NOSIP: variants seen among roughly 807,000 people sequenced by gnomAD.
NOSIP encodes the protein nitric oxide synthase interacting protein.
A neutral mutation model predicts 36.4 loss-of-function variants in NOSIP; 25 were observed. The observed-to-expected ratio is 0.69, with a 90% CI of 0.50 to 0.96. NOSIP has a LOEUF of 0.96. NOSIP is among the 40% of genes least tolerant of loss of function. NOSIP has a pLI of 0.00. For missense variants in NOSIP, 370 were observed against 429.0 expected (o/e 0.86, Z 1.21); for synonymous variants, 187 against 179.2 (o/e 1.04, Z -0.35).
At chr19:49,573,440 G>C (rs528552573) in intron 1 of NOSIP, among the ~76,000 whole-genome samples, 1 of 152,282 alleles carries the variant, frequency 6.6e-6, no homozygotes, top group East Asian at 1.9e-4. Flanking sequence ...TTCGGCTCCA[G>C]AGTAGGGGCC....
At position 49,568,798 on chromosome 19, in the gene NOSIP, G is replaced by GTTTTTT. The variant is rs750047416; in HGVS notation, c.-1-8107_-1-8106insAAAAAA. Among the ~76,000 whole-genome samples, 23 of 106,882 alleles carry GTTTTTT rather than the reference G, an allele frequency of 2.2e-4. 1 individual carries two copies. The highest frequency in any genetic ancestry group is 3.5e-4 in the African/African-American group (5 of 14,202). The allele number at this position is 106,882 out of a possible 152,430, so 70.1% of individuals were successfully genotyped here. Reference sequence around the variant, plus strand: ...CATCTCTAAAAAAAAAAAAAAAATAGTTTGTTTGTTTGTTTTTTTTTTTGA... The same window carrying GTTTTTT: ...CATCTCTAAAAAAAAAAAAAAAATAGTTTTTTTTTGTTTGTTTGTTTTTTTTTTTGA... On this transcript the variant is annotated intron_variant, in intron 1 of 8. Transcript: ENST00000596358.
At position 49,556,734 on chromosome 19, in the gene NOSIP, G is replaced by C. The variant is rs2080253932; in HGVS notation, c.540C>G (p.Ser180=). ...EAKATKLEKP[S]RTVTCPMSGK... is the part of the protein sequence containing the mutation. The stretch of plus-strand genomic sequence containing the variant: ...CTGACATGGGGCAGGTCACCGTGCG[G>C]GACTGCAAGGGGCAGAGAGAGGCGG... Residue 180 remains serine, a splice_region_variant and synonymous_variant, in exon 7 of 9, where the codon TCC becomes TCG. Coordinates refer to ENST00000596358, the MANE Select transcript of NOSIP (RefSeq NM_001270960.2). 1 of 1,605,594 alleles carries C rather than the reference G, an allele frequency of 6.2e-7. No homozygotes were observed. Among genetic ancestry groups the C allele is most frequent in the East Asian group, 2.2e-5 (1 of 44,560 alleles).
intron 1 of NOSIP, among the ~76,000 whole-genome samples, chr19:49,564,219 G>A (rs1420032332): frequency 1.3e-5 from 2 of 152,080 alleles, no homozygotes; most frequent in Non-Finnish European, 2.9e-5. Flanking sequence ...TTTGGAGGCT[G>A]AAGCGGGCAG....
intron 1 of NOSIP, among the ~76,000 whole-genome samples, chr19:49,577,268 A>G (rs1458024456): frequency 6.6e-6 from 1 of 152,122 alleles, no homozygotes; most frequent in Non-Finnish European, 1.5e-5. Context: ...AAAAACATAC[A>G]TCCATGCAGG....
chr19:49,564,600 C>T (rs2080381948), intron 1 of NOSIP, among the ~76,000 whole-genome samples: 1 of 151,950 alleles, frequency 6.6e-6, no homozygotes, highest in Admixed American at 6.6e-5. Context: ...GAGTGCAGAC[C>T]AGCACAACCA....
At position 49,557,211 on chromosome 19, in the gene NOSIP, C is replaced by A. The variant is rs762403392; in HGVS notation, c.297G>T (p.Gln99His). Residue 99 changes from glutamine (Q) to histidine (H), a missense_variant, in exon 5 of 9, where the codon CAG (glutamine) becomes CAT (histidine). By Grantham distance (24) the Gln-to-His change is conservative. Around this residue, in one of 3 missense-constraint regions of NOSIP, gnomAD observed 315 missense variants for 331.9 expected, o/e 0.95. Transcript: ENST00000596358. ...GCGAGGCCGCCCGCTGAAGCTCCTT[C>A]TGCTCCTCGCGCCGGGTGCCCCGCT... ...EKQRGTRREE[Q>H]KELQRAASQD... 6.2e-7 allele frequency: 1 copy of A among 1,600,764 alleles called. No homozygotes were observed. Among genetic ancestry groups the A allele is most frequent in the Non-Finnish European group, 8.5e-7 (1 of 1,174,412 alleles).
At chr19:49,568,969 A>C (rs989465336) in intron 1 of NOSIP, among the ~76,000 whole-genome samples, 3 of 150,434 alleles carry the variant, frequency 2.0e-5, no homozygotes, top group Non-Finnish European at 4.4e-5. Context: ...CGCCTGGCTA[A>C]TTTTTGTATT....
intron 3 of NOSIP, chr19:49,559,726 A>C (rs1415532858): frequency 1.7e-6 from 1 of 586,012 alleles, no homozygotes; most frequent in Admixed American, 2.7e-5. Flanking sequence ...ACCCCATTAG[A>C]AGTATGTTCC....
Position 49,560,424 on chromosome 19 carries a change from CG to C in NOSIP, c.70+197del. 1.7e-6 allele frequency: 1 copy of C among 603,442 alleles called. No individual in the cohort carries two copies. The highest frequency in any genetic ancestry group is 1.9e-5 in the South Asian group (1 of 51,602). 37.4% of individuals were successfully genotyped at this position (603,442 alleles called of 1,614,324 possible). A position where few individuals can be genotyped will look rare whatever the true frequency, so the allele number is the denominator to read the frequency against. On this transcript the variant is annotated intron_variant, in intron 2 of 8. Coordinates refer to ENST00000596358, the MANE Select transcript of NOSIP (RefSeq NM_001270960.2). This position sits in a 1 kb window ranked among gnomAD's most constrained non-coding sequence, Gnocchi z 4.6. Reference sequence around the variant, plus strand: ...CTCTGTTGGGAGGAGTGAGTTCATGCGCAGAAGGCAGAGAACACAGTGCCGG... The same window carrying C: ...CTCTGTTGGGAGGAGTGAGTTCATGCCAGAAGGCAGAGAACACAGTGCCGG...
At chr19:49,575,864 G>A (rs2080545147) in intron 1 of NOSIP, among the ~76,000 whole-genome samples, 1 of 152,142 alleles carries the variant, frequency 6.6e-6, no homozygotes, top group Admixed American at 6.6e-5. Flanking sequence ...AGGCGCAGTG[G>A]CTCACGCCTG....
rs983813358 is a variant in NOSIP, at chr19:49,558,842, G to A, written c.258+55C>T. On this transcript the variant is annotated intron_variant, in intron 4 of 8. Coordinates refer to ENST00000596358, the MANE Select transcript of NOSIP (RefSeq NM_001270960.2). ...GGGCTCTGAGTGGCTCTGCCTGTGAGCTCAGACTCAAAAGCTCCTGCCTCC... is the reference window on the plus strand; with the variant it reads ...GGGCTCTGAGTGGCTCTGCCTGTGAACTCAGACTCAAAAGCTCCTGCCTCC... The A allele has an allele frequency of 2.1e-5, 29 of 1,412,868 alleles. No individual in the cohort carries two copies. In the Middle Eastern group the frequency reaches 5.8e-4, roughly 28 times the overall value. 87.5% of individuals were successfully genotyped at this position (1,412,868 alleles called of 1,614,324 possible). A position where few individuals can be genotyped will look rare whatever the true frequency, so the allele number is the denominator to read the frequency against.
chr19:49,566,120 C>T (rs886763007), intron 1 of NOSIP, among the ~76,000 whole-genome samples: 2 of 151,684 alleles, frequency 1.3e-5, no homozygotes, highest in East Asian at 1.9e-4. Context: ...CCCGGGTTCA[C>T]GCCATTCTCC....
Position 49,556,949 on chromosome 19 carries a change from T to C in NOSIP, c.463A>G (p.Lys155Glu). The C allele has an allele frequency of 6.2e-7, 1 of 1,612,802 alleles. No homozygotes were observed. Among genetic ancestry groups the C allele is most frequent in the Non-Finnish European group, 8.5e-7 (1 of 1,179,448 alleles). The change falls in exon 6 of 9, where the codon AAG (lysine) becomes GAG (glutamate). Residue 155 changes from lysine (K) to glutamate (E), a missense_variant. Physicochemically the swap from Lys to Glu is moderately conservative, Grantham distance 56 (BLOSUM62 1). Around this residue, in one of 3 missense-constraint regions of NOSIP, gnomAD observed 315 missense variants for 331.9 expected, o/e 0.95. Coordinates refer to ENST00000596358, the MANE Select transcript of NOSIP (RefSeq NM_001270960.2). ...GPSVGPPSKD[K>E]DKVLPSFWIP... ...CAGAAGCTGGGCAGCACTTTGTCCT[T>C]GTCCTTACTTGGAGGACCCACACTG...
chr19:49,569,833 C>T (rs931408034), intron 1 of NOSIP, among the ~76,000 whole-genome samples: 31 of 148,416 alleles, frequency 2.1e-4, no homozygotes, highest in African/African-American at 7.5e-4. Flanking sequence ...ACAACAACAA[C>T]AACAAAAAAG....
chr19:49,557,548 C>A, intron 4 of NOSIP: 1 of 1,252,440 alleles, frequency 8.0e-7, no homozygotes, highest in Non-Finnish European at 1.0e-6. Flanking sequence ...CTCAGCGGCT[C>A]ACTGAAGGGT....
At chr19:49,561,395 T>C (rs1267441878) in intron 1 of NOSIP, among the ~76,000 whole-genome samples, 1 of 152,088 alleles carries the variant, frequency 6.6e-6, no homozygotes, top group African/African-American at 2.4e-5. Context: ...TTCTGTAAGT[T>C]TTCAAACACA....
In NOSIP at chr19:49,557,071, G is replaced by A. The variant is rs1326563532; in HGVS notation, c.418+19C>T. ...CGGCGCCCCGCCCCCCAACCCACAAGAAGCCCAACCTGAGTCACCTGGGCT... is the reference window on the plus strand; with the variant it reads ...CGGCGCCCCGCCCCCCAACCCACAAAAAGCCCAACCTGAGTCACCTGGGCT... On this transcript the variant is annotated intron_variant, in intron 5 of 8. Coordinates refer to ENST00000596358, the MANE Select transcript of NOSIP (RefSeq NM_001270960.2). 6.2e-7 allele frequency: 1 copy of A among 1,605,874 alleles called. No individual in the cohort carries two copies. Among genetic ancestry groups the A allele is most frequent in the African/African-American group, 1.3e-5 (1 of 74,920 alleles).
chr19:49,557,927 T>C lies in NOSIP; in HGVS notation c.259-678A>G, dbSNP rs149362918. 4.2e-4 allele frequency: 418 copies of C among 987,250 alleles called. No individual in the cohort carries two copies. In the African/African-American group the frequency reaches 5.9e-3, roughly 14 times the overall value. 61.2% of individuals were successfully genotyped at this position (987,250 alleles called of 1,614,324 possible). ...TGACCACCAGGCTGTGTGGAGGACA[T>C]GGGCACAGGGGGAGCCACCTGCTTG... On this transcript the variant is annotated intron_variant, in intron 4 of 8. Transcript: ENST00000596358.
intron 1 of NOSIP, among the ~76,000 whole-genome samples, chr19:49,573,176 T>A (rs1382744019): frequency 6.6e-6 from 1 of 152,138 alleles, no homozygotes; most frequent in Non-Finnish European, 1.5e-5. Context: ...CTGTGTTTGA[T>A]CCAAGCACCT....
Sources: allele counts gnomAD v4.1 joint callset (sites outside exome capture counted in the v4.1 genomes callset), GRCh38; gene constraint gnomAD v4.1.1; regional missense constraint gnomAD v4.1.1; non-coding constraint Gnocchi (gnomAD v3.1); transcripts MANE v1.5; gene names NCBI Gene and HGNC (gene_info 2026-07-23, HGNC 2026-07-21).